The following MAGEA4 variants were observed in gnomAD, a reference collection of about 807,000 sequenced individuals.
The protein encoded by MAGEA4 is MAGE family member A4.
MAGEA4 carries 1 observed loss-of-function variant against 13.7 expected under a neutral mutation model. That is an observed-to-expected ratio of 0.07 (90% CI 0.03 to 0.35). The LOEUF is 0.35. Ranked by LOEUF, MAGEA4 falls within the 10% of genes least tolerant of loss-of-function variation. The probability of loss-of-function intolerance (pLI) is 0.99; values close to 1 mark genes in which losing one functional copy is unlikely to be tolerated. For missense variants in MAGEA4, 312 were observed against 245.1 expected (o/e 1.27, Z -1.82); for synonymous variants, 132 against 101.1 (o/e 1.31, Z -1.83).
rs1156763965 is a variant in MAGEA4, at chrX:151,924,592, T to C, written c.928T>C (p.Leu310=). ...CTACCCATCCCTGCGTGAAGCAGCT[T>C]TGTTAGAGGAGGAAGAGGGAGTCTG... ...IAYPSLREAA[L]LEEEEGV The change falls in exon 3 of 3, where the codon TTG becomes CTG. Residue 310 remains leucine, a synonymous_variant. Coordinates refer to ENST00000276344, the MANE Select transcript of MAGEA4 (RefSeq NM_001011548.1). 8.4e-7 allele frequency: 1 copy of C among 1,193,404 alleles called. No individual in the cohort carries two copies. The highest frequency in any genetic ancestry group is 3.0e-5 in the East Asian group (1 of 33,700).
intron 1 of MAGEA4, chrX:151,919,702 C>T (rs980514947): frequency 1.3e-6 from 1 of 751,480 alleles, no homozygotes; most frequent in Non-Finnish European, 1.6e-6. Flanking sequence ...GGAAGCGGGC[C>T]AGGCCCTGTG....
chrX:151,922,142 C>T (rs752622791), intron 1 of MAGEA4, among the ~76,000 whole-genome samples: 21 of 110,959 alleles, frequency 1.9e-4, no homozygotes, highest in Non-Finnish European at 3.8e-4. Context: ...GGAGGAGTCC[C>T]AGGATCTACA....
At chrX:151,919,859 C>T in intron 1 of MAGEA4, 1 of 486,806 alleles carries the variant, frequency 2.1e-6, no homozygotes, top group South Asian at 1.1e-4. Flanking sequence ...ACCCCACTGC[C>T]TCTGAAGTCG....
chrX:151,923,987 A>C lies in MAGEA4; in HGVS notation c.323A>C (p.Glu108Ala). ...CCTGACGCAGAGTCCTTGTTCCGAG[A>C]AGCACTCAGTAACAAGGTGGATGAG... ...TSPDAESLFR[E>A]ALSNKVDELA... The change falls in exon 3 of 3, where the codon GAA becomes GCA. Residue 108 changes from glutamate to alanine, a missense_variant. Physicochemically the swap from Glu to Ala is moderately radical, Grantham distance 107 (BLOSUM62 -1). Transcript: ENST00000276344. 1 of 1,211,891 alleles carries C rather than the reference A, an allele frequency of 8.3e-7. No homozygotes were observed. Among genetic ancestry groups the C allele is most frequent in the Non-Finnish European group, 1.1e-6 (1 of 895,505 alleles).
At chrX:151,913,781 G>A (rs1215843895) in intron 1 of MAGEA4, 1 of 193,976 alleles carries the variant, frequency 5.2e-6, no homozygotes, top group Non-Finnish European at 7.7e-6. Context: ...TGTAAGACTA[G>A]TGAGGGCAGG....
intron 1 of MAGEA4, among the ~76,000 whole-genome samples, chrX:151,920,493 C>A (rs1057457703): frequency 1.2e-4 from 13 of 109,849 alleles, no homozygotes; most frequent in African/African-American, 4.3e-4. Flanking sequence ...TGGGGGTAGG[C>A]TCTGCCAGGC....
chrX:151,922,214 C>A (rs1933477136), intron 1 of MAGEA4, among the ~76,000 whole-genome samples: 1 of 111,516 alleles, frequency 9.0e-6, no homozygotes, highest in Admixed American at 9.4e-5. Flanking sequence ...AAAGACGGGA[C>A]CCCACAGAGT....
At position 151,924,105 on chromosome X, in the gene MAGEA4, C is replaced by T. The variant is rs1212818544; in HGVS notation, c.441C>T (p.Cys147=). 1 of 1,210,765 alleles carries T rather than the reference C, an allele frequency of 8.3e-7. No homozygotes were observed. Among genetic ancestry groups the T allele is most frequent in the East Asian group, 3.0e-5 (1 of 33,769 alleles). ...LERVIKNYKR[C]FPVIFGKASE... Reference sequence around the variant, plus strand: ...GAGTCATCAAAAATTACAAGCGCTGCTTTCCTGTGATCTTCGGCAAAGCCT... The same window carrying T: ...GAGTCATCAAAAATTACAAGCGCTGTTTTCCTGTGATCTTCGGCAAAGCCT... Residue 147 remains cysteine, a synonymous_variant, in exon 3 of 3, where the codon TGC becomes TGT. Coordinates refer to ENST00000276344, the MANE Select transcript of MAGEA4 (RefSeq NM_001011548.1).
At chrX:151,922,354 T>C (rs1029026591) in intron 1 of MAGEA4, among the ~76,000 whole-genome samples, 1 of 110,965 alleles carries the variant, frequency 9.0e-6, no homozygotes, top group South Asian at 3.9e-4. Flanking sequence ...AAAGGGGCAA[T>C]GTTTGCTCAT....
Position 151,923,147 on chromosome X carries a change from G to A in MAGEA4, c.-137-306G>A, listed in dbSNP as rs1466595865. The stretch of plus-strand genomic sequence containing the variant: ...ACAGAGTCCAGCCTACCCTCTTGAT[G>A]GCACTGAGGGACCGGGGCTGTGCTT... On this transcript the variant is annotated intron_variant, in intron 1 of 2. Transcript: ENST00000276344. Among the ~76,000 whole-genome samples, 3 of 112,043 alleles carry A rather than the reference G, an allele frequency of 2.7e-5. No individual in the cohort carries two copies. The South Asian group carries it at 1.1e-3, about 42-fold the overall frequency.
intron 1 of MAGEA4, chrX:151,913,706 G>A (rs1933003423): frequency 1.7e-6 from 1 of 585,385 alleles, no homozygotes; most frequent in African/African-American, 2.5e-5. Context: ...TGAGTCTGGG[G>A]CGCCCACCAC....
rs1216992794 is a variant in MAGEA4 at position 151,924,406 on chromosome X, A to T, written c.742A>T (p.Thr248Ser). Reference sequence around the variant, plus strand: ...CTATGGGGAGCCCAGGAAACTGCTCACCCAAGATTGGGTGCAGGAAAACTA... The same window carrying T: ...CTATGGGGAGCCCAGGAAACTGCTCTCCCAAGATTGGGTGCAGGAAAACTA... Reference protein sequence around the residue: ...TVYGEPRKLLTQDWVQENYLE... With the variant: ...TVYGEPRKLLSQDWVQENYLE... Residue 248 changes from threonine to serine, a missense_variant, in exon 3 of 3, where the codon ACC becomes TCC. Coordinates refer to ENST00000276344, the MANE Select transcript of MAGEA4 (RefSeq NM_001011548.1). The T allele has an allele frequency of 8.3e-7, 1 of 1,211,084 alleles. No individual in the cohort carries two copies. The highest frequency in any genetic ancestry group is 3.0e-5 in the East Asian group (1 of 33,819).
In MAGEA4 at chrX:151,923,595, C is replaced by T. The variant is rs771376925; in HGVS notation, c.-65-5C>T. The T allele has an allele frequency of 1.3e-5, 16 of 1,209,010 alleles. No individual in the cohort carries two copies. The highest frequency in any genetic ancestry group is 1.1e-4 in the Admixed American group (5 of 45,837). ...AGGTCTCTCACATGCTCCCTCTCTC[C>T]GTAGGCCTGTGGGTCCCCATTGCCC... On this transcript the variant is annotated splice_region_variant and splice_polypyrimidine_tract_variant and intron_variant, in intron 2 of 2. Coordinates refer to ENST00000276344, the MANE Select transcript of MAGEA4 (RefSeq NM_001011548.1).
In MAGEA4 at chrX:151,924,195, C is replaced by T; in HGVS notation, c.531C>T (p.Tyr177=). Residue 177 remains tyrosine, a synonymous_variant, in exon 3 of 3, where the codon TAC becomes TAT. Coordinates refer to ENST00000276344, the MANE Select transcript of MAGEA4 (RefSeq NM_001011548.1). Reference sequence around the variant, plus strand: ...AAGTGGACCCCGCCAGCAACACCTACACCCTTGTCACCTGCCTGGGCCTTT... The same window carrying T: ...AAGTGGACCCCGCCAGCAACACCTATACCCTTGTCACCTGCCTGGGCCTTT... ...VKEVDPASNT[Y]TLVTCLGLSY... 1 of 1,211,507 alleles carries T rather than the reference C, an allele frequency of 8.3e-7. No individual in the cohort carries two copies. Among genetic ancestry groups the T allele is most frequent in the Non-Finnish European group, 1.1e-6 (1 of 895,281 alleles).
At chrX:151,919,675 G>T (rs1933314763) in intron 1 of MAGEA4, 1 of 751,763 alleles carries the variant, frequency 1.3e-6, no homozygotes, top group African/African-American at 2.3e-5. Context: ...CTGACCAGCA[G>T]CTTGGGACTG....
intron 1 of MAGEA4, among the ~76,000 whole-genome samples, chrX:151,921,266 T>C (rs1933424911): frequency 9.0e-6 from 1 of 111,000 alleles, no homozygotes; most frequent in Non-Finnish European, 1.9e-5. Context: ...TTTTTGGGGG[T>C]CAGAGAATCA....
chrX:151,923,133 C>T (rs1420468533), intron 1 of MAGEA4, among the ~76,000 whole-genome samples: 1 of 111,942 alleles, frequency 8.9e-6, no homozygotes, highest in Non-Finnish European at 1.9e-5. Context: ...CAGAGTCCAG[C>T]CTACCCTCTT....
intron 1 of MAGEA4, chrX:151,918,116 A>G (rs1205286834): frequency 2.7e-5 from 1 of 37,343 alleles, no homozygotes; most frequent in Non-Finnish European, 4.9e-5. Context: ...TCCACGCTGA[A>G]TCGGGTTCCG....
intron 1 of MAGEA4, among the ~76,000 whole-genome samples, chrX:151,922,078 G>A (rs1223038063): frequency 9.0e-6 from 1 of 111,150 alleles, no homozygotes; most frequent in Non-Finnish European, 1.9e-5. Context: ...CATCTTCGAG[G>A]TCACAGAGAG....
Sources: allele counts gnomAD v4.1 joint callset (sites outside exome capture counted in the v4.1 genomes callset), GRCh38; gene constraint gnomAD v4.1.1; transcripts MANE v1.5; gene names NCBI Gene and HGNC (gene_info 2026-07-23, HGNC 2026-07-21).